The following MAML3 variants were observed in gnomAD, a reference collection of about 807,000 sequenced individuals.
The protein encoded by MAML3 is mastermind-like protein 3.
Under a neutral mutation model 101.9 loss-of-function variants are expected in MAML3, and 27 were observed. The observed-to-expected ratio is 0.27, with a 90% CI of 0.20 to 0.37. The LOEUF is 0.37. Ranked by LOEUF, MAML3 falls within the 10% of genes least tolerant of loss-of-function variation. MAML3 has a pLI of 1.00. For synonymous variants in MAML3, 501 were observed against 555.9 expected (o/e 0.90, Z 1.39); for missense variants, 1,316 against 1,444.9 (o/e 0.91, Z 1.45).
intron 1 of MAML3, among the ~76,000 whole-genome samples, chr4:140,147,912 G>A (rs74361160): frequency 2.1e-5 from 1 of 47,428 alleles, no homozygotes; most frequent in South Asian, 6.6e-4. Flanking sequence ...GAGTGAATGA[G>A]TGAATGTGTG....
chr4:139,966,468 T>C (rs1734132363), intron 1 of MAML3, among the ~76,000 whole-genome samples: 1 of 152,170 alleles, frequency 6.6e-6, no homozygotes, highest in Non-Finnish European at 1.5e-5. Flanking sequence ...ACAGGCAGAA[T>C]ATGTCCCTGC....
chr4:139,727,945 G>C (rs118063098), intron 3 of MAML3, among the ~76,000 whole-genome samples: 1 of 152,164 alleles, frequency 6.6e-6, no homozygotes, highest in Non-Finnish European at 1.5e-5. Context: ...GCCGGGTGCC[G>C]TGGCTCACAC....
Position 139,890,048 on chromosome 4 carries a change from G to T in MAML3, c.1388C>A (p.Ser463Tyr), listed in dbSNP as rs1424138786. ...GPVAVPSSDM[S>Y]PAEQLKQMAA... ...CATCTGTTTGAGCTGTTCTGCTGGA[G>T]ACATGTCAGAGCTGGGCACAGCCAC... is the stretch of plus-strand genomic sequence containing the variant. The change falls in exon 2 of 5, where the codon TCT (serine) becomes TAT (tyrosine). Residue 463 changes from serine to tyrosine, a missense_variant. Ser to Tyr is a moderately radical substitution (Grantham distance 144, BLOSUM62 -2). Coordinates refer to ENST00000509479, the MANE Select transcript of MAML3 (RefSeq NM_018717.5). The surrounding 1 kb of genome is among the most constrained non-coding windows in gnomAD (Gnocchi z 4.1). 6.2e-7 allele frequency: 1 copy of T among 1,608,472 alleles called. No homozygotes were observed. Among genetic ancestry groups the T allele is most frequent in the Admixed American group, 1.7e-5 (1 of 58,066 alleles).
intron 1 of MAML3, 46 bp downstream of exon 1, chr4:140,152,814 A>G: frequency 6.6e-7 from 1 of 1,524,662 alleles, no homozygotes; most frequent in African/African-American, 1.4e-5. Context: ...CACCACCACC[A>G]CCACCCCCAA....
intron 2 of MAML3, among the ~76,000 whole-genome samples, chr4:139,838,966 C>G (rs1315581084): frequency 1.3e-5 from 2 of 152,150 alleles, no homozygotes; most frequent in Non-Finnish European, 2.9e-5. Context: ...TCTCTTCTGA[C>G]CCTTGGCTGA....
intron 1 of MAML3, among the ~76,000 whole-genome samples, chr4:139,925,189 G>T (rs994148651): frequency 1.3e-5 from 2 of 151,978 alleles, no homozygotes; most frequent in Non-Finnish European, 2.9e-5. Flanking sequence ...ATGTGCAAGG[G>T]GTGGGAGAGA....
intron 1 of MAML3, among the ~76,000 whole-genome samples, chr4:139,952,711 G>A (rs186159697): frequency 6.6e-6 from 1 of 152,280 alleles, no homozygotes; most frequent in Admixed American, 6.5e-5. Flanking sequence ...ACCTCCTCTT[G>A]CTCTAGAAGG....
intron 2 of MAML3, among the ~76,000 whole-genome samples, chr4:139,738,801 CTG>C (rs778135087): frequency 3.3e-5 from 5 of 152,142 alleles, no homozygotes; most frequent in Non-Finnish European, 7.4e-5. Flanking sequence ...AAGGTAACCA[CTG>C]TTAATATTTT....
At chr4:139,779,067 CAA>C (rs1730148687) in intron 2 of MAML3, among the ~76,000 whole-genome samples, 1 of 151,692 alleles carries the variant, frequency 6.6e-6, no homozygotes, top group Non-Finnish European at 1.5e-5. Context: ...CAGAATTGGA[CAA>C]AAGAGGGTTG....
At chr4:140,056,330 C>A (rs985589515) in intron 1 of MAML3, among the ~76,000 whole-genome samples, 1 of 151,890 alleles carries the variant, frequency 6.6e-6, no homozygotes, top group Non-Finnish European at 1.5e-5. Flanking sequence ...ACAGCATGCC[C>A]TCAGCTAATC....
In MAML3 at chr4:139,950,049, G is replaced by A. The variant is rs1448571375; in HGVS notation, c.469-59082C>T. On this transcript the variant is annotated intron_variant, in intron 1 of 4. Transcript: ENST00000509479. ...TTGGACTCAAGACTGCAATATTAACGATTTTTTTTTGGAGACAGTCTTGAT... is the reference window on the plus strand; with the variant it reads ...TTGGACTCAAGACTGCAATATTAACAATTTTTTTTTGGAGACAGTCTTGAT... Among the ~76,000 whole-genome samples, 5 of 151,924 alleles carry A rather than the reference G, an allele frequency of 3.3e-5. No individual in the cohort carries two copies. The South Asian group carries it at 6.2e-4, about 19-fold the overall frequency.
At chr4:140,129,310 G>A (rs1300902991) in intron 1 of MAML3, among the ~76,000 whole-genome samples, 1 of 152,136 alleles carries the variant, frequency 6.6e-6, no homozygotes, top group Non-Finnish European at 1.5e-5. Context: ...CTATATGCAG[G>A]AATAACTTAG....
Position 140,011,427 on chromosome 4 carries a change from C to T in MAML3, c.469-120460G>A, listed in dbSNP as rs1011015853. On this transcript the variant is annotated intron_variant, in intron 1 of 4. Coordinates refer to ENST00000509479, the MANE Select transcript of MAML3 (RefSeq NM_018717.5). ...TGGCGCAATCTCGGCTCACTGCAAG[C>T]TCCGCTTCCCGGGTTCACGCCATTC... is the stretch of plus-strand genomic sequence containing the variant. Among the ~76,000 whole-genome samples the T allele has an allele frequency of 2.9e-4, 41 of 141,700 alleles. 1 individual carries two copies. The highest frequency in any genetic ancestry group is 1.9e-3 in the Admixed American group (26 of 13,544). 93.0% of individuals were successfully genotyped at this position (141,700 alleles called of 152,430 possible). A position where few individuals can be genotyped will look rare whatever the true frequency, so the allele number is the denominator to read the frequency against.
chr4:140,062,924 T>C (rs915443384), intron 1 of MAML3, among the ~76,000 whole-genome samples: 1 of 152,252 alleles, frequency 6.6e-6, no homozygotes, highest in South Asian at 2.1e-4. Flanking sequence ...CACGTTTCTG[T>C]AGTTTACAAG....
At position 139,890,926 on chromosome 4, in the gene MAML3, T is replaced by G. The variant is rs762888444; in HGVS notation, c.510A>C (p.Ser170=). The G allele has an allele frequency of 1.3e-5, 21 of 1,613,318 alleles. No homozygotes were observed. Among genetic ancestry groups the G allele is most frequent in the Non-Finnish European group, 1.8e-5 (21 of 1,179,600 alleles). ...CATTCTGCTGGTCTCCATTAAGTGG[T>G]GATCGAGCTCCTTCCAACTTCCTTT... ...TVKRKLEGAR[S]PLNGDQQNGA... The change falls in exon 2 of 5, where the codon TCA becomes TCC. Residue 170 remains serine, a synonymous_variant. Coordinates refer to ENST00000509479, the MANE Select transcript of MAML3 (RefSeq NM_018717.5). The surrounding 1 kb of genome is among the most constrained non-coding windows in gnomAD (Gnocchi z 4.1).
chr4:140,117,864 T>C (rs1230165124), intron 1 of MAML3, among the ~76,000 whole-genome samples: 1 of 152,034 alleles, frequency 6.6e-6, no homozygotes, highest in Non-Finnish European at 1.5e-5. Context: ...TCAGACAATA[T>C]CAGAAGTCAA....
intron 1 of MAML3, among the ~76,000 whole-genome samples, chr4:139,998,864 C>G (rs957181586): frequency 6.6e-6 from 1 of 152,052 alleles, no homozygotes; most frequent in Admixed American, 6.5e-5. Context: ...ATTTTTAATC[C>G]TGGCTTCCTA....
At chr4:140,150,097 C>T (rs544507301) in intron 1 of MAML3, among the ~76,000 whole-genome samples, 6 of 152,184 alleles carry the variant, frequency 3.9e-5, no homozygotes, top group Non-Finnish European at 7.4e-5. Flanking sequence ...ACAGCCCTGG[C>T]ATTTATTAGT....
chr4:139,761,391 G>T (rs889719428), intron 2 of MAML3, among the ~76,000 whole-genome samples: 5 of 152,138 alleles, frequency 3.3e-5, no homozygotes, highest in Non-Finnish European at 5.9e-5. Context: ...GTCTGGAGGG[G>T]GCGTTAGGGG....
Sources: allele counts gnomAD v4.1 joint callset (sites outside exome capture counted in the v4.1 genomes callset), GRCh38; gene constraint gnomAD v4.1.1; non-coding constraint Gnocchi (gnomAD v3.1); transcripts MANE v1.5; gene names NCBI Gene and HGNC (gene_info 2026-07-23, HGNC 2026-07-21).